Variants in SYNE1 observed in about 807,000 individuals in gnomAD.
SYNE1 encodes nesprin-1.
A neutral mutation model predicts 1,111.0 loss-of-function variants in SYNE1; 616 were observed. The observed-to-expected ratio is 0.55, with a 90% CI of 0.52 to 0.59. The LOEUF is 0.59. Among genes scored for constraint, SYNE1 ranks in the 20% least tolerant of loss-of-function variants. SYNE1 has a pLI of 0.00. For synonymous variants in SYNE1, 3,855 were observed against 3,825.8 expected, an observed-to-expected ratio of 1.01 and a Z score of -0.28; for missense variants, 10,006 against 10,417.0, an observed-to-expected ratio of 0.96 and a Z score of 1.72.
In SYNE1 at chr6:152,204,380, GA is replaced by G. The variant is rs768655297; in HGVS notation, c.23019+1787del. Among the ~76,000 whole-genome samples the G allele has an allele frequency of 2.9e-5, 4 of 140,020 alleles. No individual in the cohort carries two copies. In the East Asian group the frequency reaches 6.2e-4, roughly 22 times the overall value. The allele number at this position is 140,020 out of a possible 152,430, so 91.9% of individuals were successfully genotyped here. A position where few individuals can be genotyped will look rare whatever the true frequency, so the allele number is the denominator to read the frequency against. ...GACTCTATGTCAAAAAAAAAAAAAA[GA>G]AAAAAAAACAAGAAAGAAAGATAAA... is the stretch of plus-strand genomic sequence containing the variant. On this transcript the variant is annotated intron_variant, in intron 126 of 145. Coordinates refer to ENST00000367255, the MANE Select transcript of SYNE1 (RefSeq NM_182961.4).
At chr6:152,312,016 C>A (rs1456693415) in intron 87 of SYNE1, among the ~76,000 whole-genome samples, 1 of 152,160 alleles carries the variant, frequency 6.6e-6, no homozygotes, top group Non-Finnish European at 1.5e-5. Flanking sequence ...GATCTCCTGA[C>A]CTCGTGATCC....
At chr6:152,571,631 T>A (rs2099459132) in intron 3 of SYNE1, among the ~76,000 whole-genome samples, 2 of 152,138 alleles carry the variant, frequency 1.3e-5, no homozygotes, top group Admixed American at 6.5e-5. Context: ...AATGGTGTGA[T>A]TTAACCCAAA....
chr6:152,334,438 T>G (rs139540373), intron 76 of SYNE1, among the ~76,000 whole-genome samples, 165 bp from the exon 77 acceptor site: 6 of 152,228 alleles, frequency 3.9e-5, no homozygotes, highest in Admixed American at 3.9e-4. Flanking sequence ...AATCTAAAAA[T>G]CACCATACCT....
At chr6:152,326,230 G>A in intron 79 of SYNE1, 66 bp downstream of exon 79, 2 of 1,611,362 alleles carry the variant, frequency 1.2e-6, no homozygotes, top group Non-Finnish European at 1.7e-6. Flanking sequence ...TATCATTCGT[G>A]TATTACTACT....
At chr6:152,255,119 GT>G in intron 103 of SYNE1, 30 bp from the exon 104 acceptor site, 1 of 1,519,686 alleles carries the variant, frequency 6.6e-7, no homozygotes, top group Non-Finnish European at 9.0e-7. Context: ...ATTTTTCAGT[GT>G]TTAGATACAT....
intron 127 of SYNE1, among the ~76,000 whole-genome samples, chr6:152,194,262 T>C (rs1215503072): frequency 6.6e-6 from 1 of 152,158 alleles, no homozygotes; most frequent in Non-Finnish European, 1.5e-5. Context: ...TTGAAAGACG[T>C]TTTCACTGGT....
At chr6:152,505,508 G>GT in intron 8 of SYNE1, 111 bp from the exon 9 acceptor site, 1 of 1,174,524 alleles carries the variant, frequency 8.5e-7, no homozygotes, top group Non-Finnish European at 1.2e-6. Context: ...GCAGAGAGCT[G>GT]TATCAGTTCA....
At chr6:152,433,464 A>T (rs2154210487) in intron 34 of SYNE1, 3 of 341,952 alleles carry the variant, frequency 8.8e-6, no homozygotes, top group South Asian at 3.0e-5. Context: ...AATACATTTC[A>T]TGTTGTATAA....
At position 152,330,431 on chromosome 6, in the gene SYNE1, T is replaced by A; in HGVS notation, c.14254A>T (p.Met4752Leu). ...TGATATAAGGTGACAAGGTGCAGCA[T>A]CTTGTCTGGCTGCCAAGGCTGACCT... ...STGQPWQPDK[M>L]LHLVTLYHRL... The change falls in exon 78 of 146, where the codon ATG (methionine) becomes TTG (leucine). Residue 4752 changes from methionine to leucine, a missense_variant. Physicochemically the swap from Met to Leu is conservative, Grantham distance 15. Around this residue, in one of 7 missense-constraint regions of SYNE1, gnomAD observed 4,955 missense variants for 5,017.2 expected, o/e 0.99. Coordinates refer to ENST00000367255, the MANE Select transcript of SYNE1 (RefSeq NM_182961.4). 1 of 1,614,180 alleles carries A rather than the reference T, an allele frequency of 6.2e-7. No homozygotes were observed. The highest frequency in any genetic ancestry group is 8.5e-7 in the Non-Finnish European group (1 of 1,180,034).
At chr6:152,610,842 A>C (rs1158859739) in intron 3 of SYNE1, among the ~76,000 whole-genome samples, 1 of 152,198 alleles carries the variant, frequency 6.6e-6, no homozygotes, top group East Asian at 1.9e-4. Context: ...CCAATATTCA[A>C]CATTCTTAAA....
At chr6:152,143,809 A>G in intron 137 of SYNE1, 44 bp from the exon 138 acceptor site, 4 of 1,613,672 alleles carry the variant, frequency 2.5e-6, no homozygotes, top group Non-Finnish European at 3.4e-6. Flanking sequence ...AAACTATTTG[A>G]CTTATTTAAA....
chr6:152,186,556 C>CAAAAAAAAAAAAAAAAAAAAAAA lies in SYNE1; in HGVS notation c.23301+2673_23301+2695dup, dbSNP rs59187571. ...GGGCAACAAGAGAGCAGCTCTGTGTCAAAAAAAAAAAAAAAAAAAAAAAAA... is the reference window on the plus strand; with the variant it reads ...GGGCAACAAGAGAGCAGCTCTGTGTCAAAAAAAAAAAAAAAAAAAAAAAAAAAAAAAAAAAAAAAAAAAAAAAA... On this transcript the variant is annotated intron_variant, in intron 128 of 145. Coordinates refer to ENST00000367255, the MANE Select transcript of SYNE1 (RefSeq NM_182961.4). 1.6e-4 allele frequency among the ~76,000 whole-genome samples: 6 copies of CAAAAAAAAAAAAAAAAAAAAAAA among 38,038 alleles called. 1 individual carries two copies. Among genetic ancestry groups the CAAAAAAAAAAAAAAAAAAAAAAA allele is most frequent in the Non-Finnish European group, 2.2e-4 (5 of 22,534 alleles). 25.0% of individuals were successfully genotyped at this position (38,038 alleles called of 152,430 possible).
At chr6:152,628,132 A>G (rs1181266077) in intron 3 of SYNE1, 133 bp downstream of exon 3, 4 of 931,774 alleles carry the variant, frequency 4.3e-6, no homozygotes, top group East Asian at 2.5e-5. Flanking sequence ...GTTTGAAAAC[A>G]CTGGAATAAA....
chr6:152,353,300 T>A lies in SYNE1; in HGVS notation c.11216A>T (p.Asp3739Val), dbSNP rs1380032672. ...CAATTTCTTCCCCATCATTACTGTATCTACTTTGTCAATCTTGGTAGCCAC... is the reference window on the plus strand; with the variant it reads ...CAATTTCTTCCCCATCATTACTGTAACTACTTTGTCAATCTTGGTAGCCAC... The part of the protein sequence containing the change: ...KNVATKIDKV[D>V]TVMMGKKLKT... The change falls in exon 69 of 146, where the codon GAT becomes GTT. Residue 3739 changes from aspartate to valine, a missense_variant. This residue lies in a region of SYNE1 where 4,955 missense variants were observed against 5,017.2 expected (regional missense o/e 0.99). Coordinates refer to ENST00000367255, the MANE Select transcript of SYNE1 (RefSeq NM_182961.4). 1 of 1,614,198 alleles carries A rather than the reference T, an allele frequency of 6.2e-7. No individual in the cohort carries two copies. Among genetic ancestry groups the A allele is most frequent in the Admixed American group, 1.7e-5 (1 of 60,030 alleles).
intron 62 of SYNE1, 171 bp downstream of exon 62, chr6:152,367,047 T>C (rs1361116146): frequency 2.5e-6 from 2 of 806,698 alleles, no homozygotes; most frequent in South Asian, 2.8e-5. Flanking sequence ...GGTCAGATGA[T>C]TCAGGAATTC....
At chr6:152,336,659 A>G in intron 76 of SYNE1, 182 bp downstream of exon 76, 3 of 777,554 alleles carry the variant, frequency 3.9e-6, no homozygotes, top group Non-Finnish European at 6.5e-6. Context: ...CAGGTTCCTA[A>G]CAGGACATGG....
intron 128 of SYNE1, among the ~76,000 whole-genome samples, chr6:152,188,513 A>T (rs992380489): frequency 2.6e-5 from 4 of 152,340 alleles, no homozygotes; most frequent in Admixed American, 2.6e-4. Context: ...CAACTACAGT[A>T]AATTAAAAGT....
At chr6:152,606,911 C>T (rs904822047) in intron 3 of SYNE1, among the ~76,000 whole-genome samples, 1 of 151,502 alleles carries the variant, frequency 6.6e-6, no homozygotes, top group Non-Finnish European at 1.5e-5. Context: ...GCCTTGGCCT[C>T]CCAAAGTACT....
In SYNE1 at chr6:152,155,953, G is replaced by A. The variant is rs762991088; in HGVS notation, c.23935C>T (p.Arg7979Trp). 5.6e-6 allele frequency: 9 copies of A among 1,613,880 alleles called. No homozygotes were observed. The East Asian group carries it at 6.7e-5, about 12-fold the overall frequency. ...GACATAGCACAAATGTTTCTCCACC[G>A]CCGGTCCAGGTTTCTCGTAGCCTGC... ...IQQATRNLDR[R>W]WRNICAMSME... The change falls in exon 132 of 146, where the codon CGG (arginine) becomes TGG (tryptophan). Residue 7979 changes from arginine (R) to tryptophan (W), a missense_variant. By Grantham distance (101) the Arg-to-Trp change is moderately radical (BLOSUM62 -3). Around this residue, in one of 7 missense-constraint regions of SYNE1, gnomAD observed 2,182 missense variants for 2,287.8 expected, o/e 0.95. Coordinates refer to ENST00000367255, the MANE Select transcript of SYNE1 (RefSeq NM_182961.4).
Sources: allele counts gnomAD v4.1 joint callset (sites outside exome capture counted in the v4.1 genomes callset), GRCh38; gene constraint gnomAD v4.1.1; regional missense constraint gnomAD v4.1.1; transcripts MANE v1.5; gene names NCBI Gene and HGNC (gene_info 2026-07-23, HGNC 2026-07-21).